The following ZNF831 variants were observed in gnomAD, a reference collection of about 807,000 sequenced individuals.
ZNF831 encodes chromosome 20 open reading frame 174.
A neutral mutation model predicts 95.8 loss-of-function variants in ZNF831; 59 were observed. The ratio of observed to expected loss-of-function variants is 0.62; its 90% CI spans 0.50 to 0.77. The LOEUF (loss-of-function observed/expected upper bound fraction) is 0.77, where lower values mean the gene tolerates loss of function less well. Ranked by LOEUF, ZNF831 falls within the 30% of genes least tolerant of loss-of-function variation. The pLI is 0.00. For synonymous variants in ZNF831, 961 were observed against 925.5 expected (o/e 1.04, Z -0.70); for missense variants, 2,205 against 2,164.0 (o/e 1.02, Z -0.38).
At chr20:59,154,578 CTT>C (rs1797625649) in intron 2 of ZNF831, among the ~76,000 whole-genome samples, 1 of 152,196 alleles carries the variant, frequency 6.6e-6, no homozygotes, top group Non-Finnish European at 1.5e-5. Context: ...CTCTTAATGA[CTT>C]TCTCTCGGAG....
intron 4 of ZNF831, among the ~76,000 whole-genome samples, chr20:59,231,253 T>C (rs1402926197): frequency 6.6e-6 from 1 of 152,130 alleles, no homozygotes; most frequent in Non-Finnish European, 1.5e-5. Flanking sequence ...AGCTGGAAAA[T>C]AGGTTCTTAT....
Position 59,169,210 on chromosome 20 carries a change from C to G in ZNF831, c.-37+5003C>G, listed in dbSNP as rs1410632868. 3.9e-5 allele frequency among the ~76,000 whole-genome samples: 6 copies of G among 152,178 alleles called. No individual in the cohort carries two copies. In the East Asian group the frequency reaches 1.2e-3, roughly 29 times the overall value. On this transcript the variant is annotated intron_variant, in intron 1 of 5. Transcript: ENST00000371030. The surrounding 1 kb of genome is among the most constrained non-coding windows in gnomAD (Gnocchi z 4.1). Reference sequence around the variant, plus strand: ...GGAGCTTCAAAATTGCAAATTCAATCTGATAAATAGTTATAGTGTGATTCT... The same window carrying G: ...GGAGCTTCAAAATTGCAAATTCAATGTGATAAATAGTTATAGTGTGATTCT...
intron 1 of ZNF831, among the ~76,000 whole-genome samples, chr20:59,132,377 A>G (rs939187321): frequency 6.6e-6 from 1 of 151,236 alleles, no homozygotes; most frequent in Non-Finnish European, 1.5e-5. Context: ...TGTTGTCAGG[A>G]AAAATTTTCT....
chr20:59,213,382 T>C (rs1420592239), intron 4 of ZNF831, among the ~76,000 whole-genome samples: 1 of 152,248 alleles, frequency 6.6e-6, no homozygotes, highest in Non-Finnish European at 1.5e-5. Context: ...AAGTCCTTAA[T>C]ACTATTCACT....
intron 1 of ZNF831, among the ~76,000 whole-genome samples, chr20:59,164,585 C>T (rs1163492997): frequency 6.6e-6 from 1 of 151,908 alleles, no homozygotes; most frequent in Admixed American, 6.6e-5. Context: ...TATATATATA[C>T]ACATATATAT....
At chr20:59,143,609 G>C (rs1164582040) in intron 1 of ZNF831, among the ~76,000 whole-genome samples, 5 of 152,324 alleles carry the variant, frequency 3.3e-5, no homozygotes, top group Non-Finnish European at 7.3e-5. Flanking sequence ...ACCATGTCCT[G>C]GGCCTGTGGA....
chr20:59,131,833 C>T (rs1979360387), intron 1 of ZNF831, among the ~76,000 whole-genome samples: 1 of 152,230 alleles, frequency 6.6e-6, no homozygotes, highest in African/African-American at 2.4e-5. Flanking sequence ...CAGGCATGGC[C>T]AGGTCTTTAG....
intron 2 of ZNF831, among the ~76,000 whole-genome samples, chr20:59,147,178 G>A (rs959522983): frequency 3.3e-5 from 5 of 152,324 alleles, no homozygotes; most frequent in Admixed American, 6.5e-5. Flanking sequence ...TAGAAGAGAA[G>A]CAGACAAAAA....
chr20:59,141,528 A>G (rs1324978083), intron 1 of ZNF831, among the ~76,000 whole-genome samples: 2 of 152,142 alleles, frequency 1.3e-5, no homozygotes, highest in Non-Finnish European at 2.9e-5. Context: ...AGTCAAGCAT[A>G]TTTGTGTGGG....
At chr20:59,249,038 C>A (rs959064356) in intron 4 of ZNF831, among the ~76,000 whole-genome samples, 1 of 152,242 alleles carries the variant, frequency 6.6e-6, no homozygotes, top group Non-Finnish European at 1.5e-5. Context: ...GCATTCACGA[C>A]TGTCCTTCCA....
intron 1 of ZNF831, among the ~76,000 whole-genome samples, chr20:59,188,258 C>T (rs1438476244): frequency 6.6e-6 from 1 of 152,184 alleles, no homozygotes; most frequent in Non-Finnish European, 1.5e-5. Context: ...TTTATATCCC[C>T]ACCAGTCGTG....
At chr20:59,211,101 C>A (rs1414872891) in intron 4 of ZNF831, among the ~76,000 whole-genome samples, 1 of 149,184 alleles carries the variant, frequency 6.7e-6, no homozygotes, top group Non-Finnish European at 1.5e-5. Flanking sequence ...AGAAACAAAA[C>A]CTGAATATAG....
chr20:59,221,855 G>A (rs1449088797), intron 4 of ZNF831, among the ~76,000 whole-genome samples: 2 of 152,202 alleles, frequency 1.3e-5, no homozygotes, highest in Non-Finnish European at 2.9e-5. Context: ...GGCGTGCCGG[G>A]AACGGACAAA....
chr20:59,162,910 A>G (rs919865159), upstream of ZNF831, among the ~76,000 whole-genome samples: 1 of 152,026 alleles, frequency 6.6e-6, no homozygotes, highest in Admixed American at 6.6e-5. Flanking sequence ...GAGTCTTATA[A>G]TCCATGAGCA....
chr20:59,165,170 G>T (rs73618641), intron 1 of ZNF831, among the ~76,000 whole-genome samples: 2 of 152,152 alleles, frequency 1.3e-5, no homozygotes, highest in Non-Finnish European at 2.9e-5. Flanking sequence ...CCTGAAGGAG[G>T]AGTGCCATGT....
intron 4 of ZNF831, among the ~76,000 whole-genome samples, chr20:59,249,325 G>A (rs1214356280): frequency 6.6e-6 from 1 of 151,832 alleles, no homozygotes; most frequent in African/African-American, 2.4e-5. Flanking sequence ...ATTAGTGTCT[G>A]GAATAGCCTC....
chr20:59,235,134 T>C (rs1197647296), intron 4 of ZNF831, among the ~76,000 whole-genome samples: 1 of 152,008 alleles, frequency 6.6e-6, no homozygotes, highest in African/African-American at 2.4e-5. Context: ...CTGGGATAGG[T>C]CTGATATTTT....
intron 2 of ZNF831, 38 bp from the exon 3 acceptor site, chr20:59,195,831 T>C: frequency 4.4e-6 from 7 of 1,594,360 alleles, no homozygotes; most frequent in Non-Finnish European, 6.0e-6. Flanking sequence ...TCATGAGGAC[T>C]TTGAGTAATG....
At chr20:59,147,140 G>A (rs1203247921) in intron 2 of ZNF831, 7 of 152,260 alleles carry the variant, frequency 4.6e-5, no homozygotes, top group African/African-American at 1.7e-4. Flanking sequence ...AGAAAAGGGG[G>A]AAAAGAGGCC....
Sources: gnomAD v4.1 joint callset for allele counts (sites outside exome capture counted in the v4.1 genomes callset) on GRCh38, gnomAD v4.1.1 for gene constraint, Gnocchi (gnomAD v3.1) non-coding constraint, MANE v1.5 for transcripts, NCBI Gene and HGNC (gene_info 2026-07-23, HGNC 2026-07-21) for gene names.